Variants in ARHGAP21 observed in about 807,000 individuals in gnomAD.
ARHGAP21 encodes rho GTPase-activating protein 21.
Under a neutral mutation model 164.6 loss-of-function variants are expected in ARHGAP21, and 38 were observed. The ratio of observed to expected loss-of-function variants is 0.23; its 90% CI spans 0.18 to 0.30. The LOEUF is 0.30. ARHGAP21 is among the 10% of genes least tolerant of loss of function. The probability of loss-of-function intolerance (pLI) is 1.00; values close to 1 mark genes in which losing one functional copy is unlikely to be tolerated. For synonymous variants in ARHGAP21, 766 were observed against 857.9 expected (o/e 0.89, Z 1.87); for missense variants, 1,822 against 2,370.7 (o/e 0.77, Z 4.81).
rs1480484315 is a variant in ARHGAP21 at position 24,596,430 on chromosome 10, ACTTT to A, written c.3477+306_3477+309del. 6.4e-5 allele frequency: 33 copies of A among 513,974 alleles called. No homozygotes were observed. The Middle Eastern group carries it at 2.0e-3, about 31-fold the overall frequency. 31.8% of individuals were successfully genotyped at this position (513,974 alleles called of 1,614,324 possible). On this transcript the variant is annotated intron_variant, in intron 17 of 25. Coordinates refer to ENST00000396432, the MANE Select transcript of ARHGAP21 (RefSeq NM_020824.4). The stretch of plus-strand genomic sequence containing the variant: ...ATGCACATACATTTACATGTATTAT[ACTTT>A]CTTAATCAGGTCCTTGTTCTCATCC...
chr10:24,704,465 AT>A (rs55947040), intron 2 of ARHGAP21, among the ~76,000 whole-genome samples: 5 of 142,784 alleles, frequency 3.5e-5, no homozygotes, highest in Admixed American at 7.0e-5. Context: ...TTATTTTTCT[AT>A]TTTTTTTTTT....
At chr10:24,629,051 A>G (rs1315863224) in intron 7 of ARHGAP21, 1 of 109,820 alleles carries the variant, frequency 9.1e-6, no homozygotes, top group Non-Finnish European at 1.6e-5. Context: ...GCTGGAGTGC[A>G]GTGGCGCGAT....
At chr10:24,702,483 A>G (rs1407052285) in intron 2 of ARHGAP21, among the ~76,000 whole-genome samples, 1 of 152,012 alleles carries the variant, frequency 6.6e-6, no homozygotes, top group East Asian at 1.9e-4. Flanking sequence ...GTAATCTACA[A>G]CTTTTTAAAA....
Position 24,676,487 on chromosome 10 carries a change from G to A in ARHGAP21, c.64-6090C>T, listed in dbSNP as rs149583684. 3.4e-3 allele frequency among the ~76,000 whole-genome samples: 513 copies of A among 152,266 alleles called. 3 individuals are homozygous for A. The highest frequency in any genetic ancestry group is 0.027 in the Middle Eastern group (8 of 294). On this transcript the variant is annotated intron_variant, in intron 2 of 25. Transcript: ENST00000396432. ...CTTATAAGTGGGAGTTAAACAATGG[G>A]TACACATGGACATACAGAGGGGAAA...
intron 6 of ARHGAP21, among the ~76,000 whole-genome samples, chr10:24,631,287 C>T (rs1397394309): frequency 2.0e-5 from 3 of 152,178 alleles, no homozygotes; most frequent in Non-Finnish European, 4.4e-5. Flanking sequence ...TTGCTTGAAC[C>T]TGGGAGGCGG....
intron 1 of ARHGAP21, chr10:24,722,542 C>T (rs1846031788): frequency 6.5e-6 from 1 of 154,124 alleles, no homozygotes. Context: ...CATTTTAATT[C>T]ATGTCTTTCC....
At chr10:24,602,174 C>A in intron 12 of ARHGAP21, 71 bp from the exon 13 acceptor site, 1 of 1,505,246 alleles carries the variant, frequency 6.6e-7, no homozygotes, top group Non-Finnish European at 8.9e-7. Context: ...ATGGAAACTG[C>A]TTTGTGGAAA....
chr10:24,595,396 T>A (rs1284724039), intron 19 of ARHGAP21, among the ~76,000 whole-genome samples: 1 of 152,098 alleles, frequency 6.6e-6, no homozygotes, highest in African/African-American at 2.4e-5. Flanking sequence ...TCCAACAACA[T>A]CTAGTAAAGT....
At chr10:24,606,441 G>A (rs182390312) in intron 11 of ARHGAP21, among the ~76,000 whole-genome samples, 124 of 152,118 alleles carry the variant, frequency 8.2e-4, no homozygotes, top group African/African-American at 2.6e-3. Flanking sequence ...ACTGCTAAGT[G>A]TCAAATTAAA....
chr10:24,591,520 G>C, intron 23 of ARHGAP21, 122 bp downstream of exon 23: 1 of 1,307,514 alleles, frequency 7.6e-7, no homozygotes, highest in Non-Finnish European at 1.1e-6. Context: ...AACTGAGCTA[G>C]AGACCTGCTT....
chr10:24,648,502 G>A (rs1367729399), intron 4 of ARHGAP21, among the ~76,000 whole-genome samples: 1 of 152,024 alleles, frequency 6.6e-6, no homozygotes, highest in African/African-American at 2.4e-5. Context: ...TAGGTCAGCC[G>A]GGTGCAGAGG....
At chr10:24,603,677 T>C (rs1200833695) in intron 12 of ARHGAP21, among the ~76,000 whole-genome samples, 15 of 151,986 alleles carry the variant, frequency 9.9e-5, no homozygotes, top group Non-Finnish European at 1.9e-4. Flanking sequence ...ATGGTAAGAA[T>C]AAGGAAGGCA....
At chr10:24,615,667 G>T (rs1424170641) in intron 9 of ARHGAP21, among the ~76,000 whole-genome samples, 2 of 152,106 alleles carry the variant, frequency 1.3e-5, no homozygotes, top group African/African-American at 2.4e-5. Context: ...CCATAAAACG[G>T]GTTATTAATT....
intron 25 of ARHGAP21, among the ~76,000 whole-genome samples, chr10:24,587,466 AAATTTAGGCTGTTCTATCAAAG>A (rs1278459428): frequency 7.2e-5 from 11 of 152,106 alleles, no homozygotes; most frequent in African/African-American, 2.7e-4. Flanking sequence ...CTTAAAGTAA[AAATTTAGGCTGTTCTATCAAAG>A]AATTTAGGCT....
intron 2 of ARHGAP21, among the ~76,000 whole-genome samples, chr10:24,708,063 C>T (rs1844407841): frequency 6.6e-6 from 1 of 152,128 alleles, no homozygotes; most frequent in Admixed American, 6.5e-5. Context: ...TCTTCAATAG[C>T]AAAATAAATT....
intron 9 of ARHGAP21, among the ~76,000 whole-genome samples, chr10:24,608,134 C>T (rs2077109084): frequency 6.6e-6 from 1 of 152,068 alleles, no homozygotes; most frequent in African/African-American, 2.4e-5. Flanking sequence ...GCTGCTCTAC[C>T]AACCAATTAA....
At chr10:24,587,445 CTATT>C (rs2076152310) in intron 25 of ARHGAP21, among the ~76,000 whole-genome samples, 2 of 150,320 alleles carry the variant, frequency 1.3e-5, no homozygotes, top group Admixed American at 1.3e-4. Flanking sequence ...TAAAACTGCT[CTATT>C]TAAAGTCTTA....
At chr10:24,598,366 A>G (rs2076670740) in intron 14 of ARHGAP21, among the ~76,000 whole-genome samples, 1 of 152,280 alleles carries the variant, frequency 6.6e-6, no homozygotes. Flanking sequence ...CATTTAAGAA[A>G]TATACGTGTA....
In ARHGAP21 at chr10:24,591,869, G is replaced by C. The variant is rs756722137; in HGVS notation, c.4002+18C>G. On this transcript the variant is annotated intron_variant, in intron 22 of 25. Transcript: ENST00000396432. The stretch of plus-strand genomic sequence containing the variant: ...CAGAGATGAAGCATGAACTTACAGA[G>C]ATGAAGCATGAACTTACGTGCTGGA... 1 of 1,600,458 alleles carries C rather than the reference G, an allele frequency of 6.2e-7. No individual in the cohort carries two copies. Among genetic ancestry groups the C allele is most frequent in the Non-Finnish European group, 8.5e-7 (1 of 1,174,922 alleles).
Sources: allele counts gnomAD v4.1 joint callset (sites outside exome capture counted in the v4.1 genomes callset), GRCh38; gene constraint gnomAD v4.1.1; transcripts MANE v1.5; gene names NCBI Gene and HGNC (gene_info 2026-07-23, HGNC 2026-07-21).